SLC10A7: variants seen among roughly 807,000 people sequenced by gnomAD.
The protein encoded by SLC10A7 is sodium/bile acid cotransporter 7.
SLC10A7 carries 29 observed loss-of-function variants against 43.2 expected under a neutral mutation model. The ratio of observed to expected loss-of-function variants is 0.67; its 90% CI spans 0.50 to 0.92. SLC10A7 has a LOEUF of 0.92. SLC10A7 is among the 40% of genes least tolerant of loss of function. SLC10A7 has a pLI of 0.00. For synonymous variants in SLC10A7, 152 were observed against 144.8 expected (o/e 1.05, Z -0.35); for missense variants, 295 against 403.2 (o/e 0.73, Z 2.30).
intron 5 of SLC10A7, among the ~76,000 whole-genome samples, chr4:146,401,479 A>C (rs1283731728): frequency 6.6e-6 from 1 of 152,182 alleles, no homozygotes; most frequent in Non-Finnish European, 1.5e-5. Flanking sequence ...TGCCCAGGAG[A>C]CCTGCATAAC....
chr4:146,399,589 T>C (rs1001641198), intron 5 of SLC10A7, among the ~76,000 whole-genome samples: 1 of 152,098 alleles, frequency 6.6e-6, no homozygotes, highest in South Asian at 2.1e-4. Flanking sequence ...TGAATAGTCA[T>C]AGTGAAGATG....
intron 6 of SLC10A7, among the ~76,000 whole-genome samples, chr4:146,323,819 CCAGGGCAATCAGGCAGGAGAAAGA>C: frequency 6.6e-6 from 1 of 152,106 alleles, no homozygotes; most frequent in East Asian, 1.9e-4. Context: ...GAAGTTCTGG[CCAGGGCAATCAGGCAGGAGAAAGA>C]AATAAAGGGT....
chr4:146,471,566 C>T (rs1257866059), intron 4 of SLC10A7, among the ~76,000 whole-genome samples: 3 of 152,056 alleles, frequency 2.0e-5, no homozygotes, highest in Admixed American at 6.6e-5. Flanking sequence ...AATCCTCAAT[C>T]CATTGAAGTA....
At chr4:146,258,111 T>A (rs1727992783) in intron 11 of SLC10A7, among the ~76,000 whole-genome samples, 2 of 152,252 alleles carry the variant, frequency 1.3e-5, no homozygotes, top group Admixed American at 6.5e-5. Context: ...TGTTGATAAT[T>A]TAGGAAATGA....
At chr4:146,313,974 T>G (rs1732155036) in intron 6 of SLC10A7, among the ~76,000 whole-genome samples, 1 of 152,112 alleles carries the variant, frequency 6.6e-6, no homozygotes, top group Non-Finnish European at 1.5e-5. Flanking sequence ...CAAGAAAAAG[T>G]AATTGTGTGC....
At chr4:146,491,363 C>T (rs1256747526) in intron 4 of SLC10A7, among the ~76,000 whole-genome samples, 1 of 152,086 alleles carries the variant, frequency 6.6e-6, no homozygotes, top group East Asian at 1.9e-4. Flanking sequence ...AAAAGTTTGT[C>T]CAGAGAATCA....
At chr4:146,299,735 C>T (rs1731030874) in intron 7 of SLC10A7, among the ~76,000 whole-genome samples, 1 of 152,082 alleles carries the variant, frequency 6.6e-6, no homozygotes, top group South Asian at 2.1e-4. Flanking sequence ...GAAAAAGAAA[C>T]ACTATAAGGA....
At chr4:146,342,556 AT>A (rs1311727650) in intron 5 of SLC10A7, among the ~76,000 whole-genome samples, 5 of 151,724 alleles carry the variant, frequency 3.3e-5, no homozygotes, top group Middle Eastern at 3.4e-3. Context: ...ATACTAGTGA[AT>A]TTTTTTACCA....
intron 4 of SLC10A7, chr4:146,478,123 A>G (rs1267766316): frequency 6.6e-6 from 1 of 152,206 alleles, no homozygotes; most frequent in Non-Finnish European, 1.5e-5. Flanking sequence ...GGAATGACAC[A>G]TACTATGTGC....
chr4:146,511,969 CTT>C (rs765683134), intron 2 of SLC10A7, among the ~76,000 whole-genome samples: 1 of 98,844 alleles, frequency 1.0e-5, no homozygotes, highest in Middle Eastern at 7.2e-3. Flanking sequence ...TGCATATACT[CTT>C]TTTTTTTTTT....
chr4:146,305,522 T>A (rs1216958681), intron 7 of SLC10A7, among the ~76,000 whole-genome samples: 1 of 150,600 alleles, frequency 6.6e-6, no homozygotes, highest in African/African-American at 2.5e-5. Context: ...CATGTATACA[T>A]ATGTAACGAA....
At chr4:146,277,137 G>T (rs1359959056) in intron 10 of SLC10A7, among the ~76,000 whole-genome samples, 1 of 152,150 alleles carries the variant, frequency 6.6e-6, no homozygotes, top group Non-Finnish European at 1.5e-5. Context: ...ATTTCTAAAT[G>T]TAGATTGTGG....
At chr4:146,348,660 G>C (rs1282473037) in intron 5 of SLC10A7, among the ~76,000 whole-genome samples, 1 of 151,956 alleles carries the variant, frequency 6.6e-6, no homozygotes, top group East Asian at 1.9e-4. Flanking sequence ...ACATAAAAAC[G>C]TATCATTTAA....
chr4:146,267,475 C>T (rs1044283181), intron 10 of SLC10A7, among the ~76,000 whole-genome samples: 4 of 152,198 alleles, frequency 2.6e-5, no homozygotes, highest in African/African-American at 9.7e-5. Context: ...ATCACGTGAC[C>T]TGCTCTCATT....
chr4:146,509,447 G>A lies in SLC10A7; in HGVS notation c.320+466C>T, dbSNP rs193119994. On this transcript the variant is annotated intron_variant, in intron 3 of 11. Coordinates refer to ENST00000335472, the MANE Select transcript of SLC10A7 (RefSeq NM_001029998.6). ...AGTCACATAGTATGTTAGGGATATG[G>A]TCAGAATTCAATCTTCAGGCTCTAA... Among the ~76,000 whole-genome samples, 26 of 152,298 alleles carry A rather than the reference G, an allele frequency of 1.7e-4. No individual in the cohort carries two copies. In the East Asian group the frequency reaches 3.3e-3, roughly 19 times the overall value.
At chr4:146,467,023 A>T (rs958369316) in intron 4 of SLC10A7, among the ~76,000 whole-genome samples, 1 of 152,186 alleles carries the variant, frequency 6.6e-6, no homozygotes, top group Non-Finnish European at 1.5e-5. Context: ...AGAATGCTTC[A>T]AGAAGTTTCA....
intron 4 of SLC10A7, among the ~76,000 whole-genome samples, chr4:146,471,802 T>C (rs1430362774): frequency 6.6e-6 from 1 of 152,170 alleles, no homozygotes; most frequent in Non-Finnish European, 1.5e-5. Context: ...AGTACTTAAT[T>C]AGTAGAGCCT....
In SLC10A7 at chr4:146,442,831, A is replaced by G. The variant is rs376281293; in HGVS notation, c.397-10T>C. 38 of 1,558,284 alleles carry G rather than the reference A, an allele frequency of 2.4e-5. No individual in the cohort carries two copies. Among genetic ancestry groups the G allele is most frequent in the African/African-American group, 5.5e-5 (4 of 72,396 alleles). On this transcript the variant is annotated splice_polypyrimidine_tract_variant and intron_variant, in intron 4 of 11. Coordinates refer to ENST00000335472, the MANE Select transcript of SLC10A7 (RefSeq NM_001029998.6). ...TAAATATTGCAGCTGCCTATGAAGA[A>G]AATAAATAGGGGAAAAAAACTCATT...
chr4:146,399,318 T>C (rs927035578), intron 5 of SLC10A7, among the ~76,000 whole-genome samples: 1 of 152,140 alleles, frequency 6.6e-6, no homozygotes, highest in South Asian at 2.1e-4. Context: ...CAGGGCTTAC[T>C]GGTTGGGATA....
Sources: gnomAD v4.1 joint callset for allele counts (sites outside exome capture counted in the v4.1 genomes callset) on GRCh38, gnomAD v4.1.1 for gene constraint, MANE v1.5 for transcripts, NCBI Gene and HGNC (gene_info 2026-07-23, HGNC 2026-07-21) for gene names.